The following GRM5 variants were observed in gnomAD, a reference collection of about 807,000 sequenced individuals.
GRM5 encodes glutamate metabotropic receptor 5.
GRM5 carries 19 observed loss-of-function variants against 83.1 expected under a neutral mutation model. The ratio of observed to expected loss-of-function variants is 0.23; its 90% CI spans 0.16 to 0.34. GRM5 has a LOEUF of 0.34. Among genes scored for constraint, GRM5 ranks in the 10% least tolerant of loss-of-function variants. The probability of loss-of-function intolerance (pLI) is 1.00; values close to 1 mark genes in which losing one functional copy is unlikely to be tolerated. For missense variants in GRM5, 1,160 were observed against 1,588.3 expected (o/e 0.73, Z 4.58); for synonymous variants, 675 against 633.6 (o/e 1.07, Z -0.98).
intron 2 of GRM5, among the ~76,000 whole-genome samples, chr11:88,930,174 G>A (rs4545558): frequency 2.4e-3 from 363 of 152,088 alleles, no homozygotes; most frequent in African/African-American, 8.1e-3. Flanking sequence ...CTTGGGAGGC[G>A]GAAGAGAAAG....
chr11:88,902,601 T>C (rs1424202626), intron 2 of GRM5, among the ~76,000 whole-genome samples: 1 of 152,154 alleles, frequency 6.6e-6, no homozygotes, highest in Admixed American at 6.6e-5. Context: ...CTGGTTTTTC[T>C]AGAGCTTACA....
chr11:88,677,338 T>C (rs1171833050), intron 3 of GRM5, among the ~76,000 whole-genome samples: 2 of 152,090 alleles, frequency 1.3e-5, no homozygotes, highest in East Asian at 3.9e-4. Context: ...TCAACCAGAG[T>C]AATTCTTCTC....
At chr11:88,772,023 C>T (rs1410996163) in intron 3 of GRM5, among the ~76,000 whole-genome samples, 8 of 107,442 alleles carry the variant, frequency 7.4e-5, no homozygotes, top group South Asian at 2.5e-4. Flanking sequence ...CATGTATCAA[C>T]GCTTATCAAT....
At chr11:88,778,338 C>T (rs891970924) in intron 3 of GRM5, among the ~76,000 whole-genome samples, 2 of 152,200 alleles carry the variant, frequency 1.3e-5, no homozygotes, top group Non-Finnish European at 2.9e-5. Context: ...AGGAGTGTCC[C>T]GTTTTTCCAC....
intron 2 of GRM5, among the ~76,000 whole-genome samples, chr11:89,031,559 A>G (rs1941263762): frequency 6.6e-6 from 1 of 151,988 alleles, no homozygotes; most frequent in Admixed American, 6.6e-5. Context: ...ATAACAAGAG[A>G]AAATGTGCTC....
chr11:89,006,493 C>T (rs1398027253), intron 2 of GRM5, among the ~76,000 whole-genome samples: 1 of 152,134 alleles, frequency 6.6e-6, no homozygotes, highest in Non-Finnish European at 1.5e-5. Context: ...AAATGCACAC[C>T]AGATCAAGTC....
chr11:88,687,194 G>T (rs1179406866), intron 3 of GRM5, among the ~76,000 whole-genome samples: 6 of 151,748 alleles, frequency 4.0e-5, no homozygotes, highest in African/African-American at 1.5e-4. Context: ...ATATATTCTG[G>T]CCAGGAGCAG....
intron 3 of GRM5, among the ~76,000 whole-genome samples, chr11:88,794,179 G>A (rs144919807): frequency 2.6e-5 from 4 of 152,120 alleles, no homozygotes; most frequent in African/African-American, 7.2e-5. Flanking sequence ...AAGCATTCCC[G>A]TCCCCACTAT....
At chr11:88,838,310 C>A (rs1944131476) in intron 3 of GRM5, among the ~76,000 whole-genome samples, 1 of 152,156 alleles carries the variant, frequency 6.6e-6, no homozygotes, top group Non-Finnish European at 1.5e-5. Flanking sequence ...TATCTTCCTA[C>A]TATCCCTTCT....
chr11:88,778,002 G>A (rs529173157), intron 3 of GRM5, among the ~76,000 whole-genome samples: 3 of 151,068 alleles, frequency 2.0e-5, no homozygotes, highest in Admixed American at 6.6e-5. Flanking sequence ...GTCAGACAGG[G>A]ACGTTTAAGT....
chr11:88,769,294 A>G (rs1456553083), intron 3 of GRM5, among the ~76,000 whole-genome samples: 5 of 152,034 alleles, frequency 3.3e-5, no homozygotes, highest in African/African-American at 1.2e-4. Flanking sequence ...TCAACTTAAT[A>G]TAGATATAGA....
At chr11:88,848,261 A>C (rs1944331182) in intron 3 of GRM5, among the ~76,000 whole-genome samples, 1 of 152,148 alleles carries the variant, frequency 6.6e-6, no homozygotes, top group African/African-American at 2.4e-5. Context: ...AAGGAATCTC[A>C]CTCAATATCA....
intron 3 of GRM5, among the ~76,000 whole-genome samples, chr11:88,791,702 A>G (rs1943175914): frequency 6.6e-6 from 1 of 152,186 alleles, no homozygotes. Flanking sequence ...TAAATAAAGG[A>G]CATTTAAATT....
chr11:88,708,475 T>A (rs1941209957), intron 3 of GRM5, among the ~76,000 whole-genome samples: 1 of 152,036 alleles, frequency 6.6e-6, no homozygotes. Context: ...GACTTTGAGG[T>A]ATGAGTATTG....
Position 89,047,266 on chromosome 11 carries a change from C to T in GRM5, c.607G>A (p.Val203Met). 6.2e-7 allele frequency: 1 copy of T among 1,614,110 alleles called. No individual in the cohort carries two copies. The highest frequency in any genetic ancestry group is 8.5e-7 in the Non-Finnish European group (1 of 1,179,978). The change falls in exon 2 of 10, where the codon GTG becomes ATG. Residue 203 changes from valine (V) to methionine (M), a missense_variant. Val to Met is a conservative substitution (Grantham distance 21, BLOSUM62 1). Around this residue, in one of 9 missense-constraint regions of GRM5, gnomAD observed 84 missense variants for 231.0 expected, o/e 0.36. Transcript: ENST00000305447. The surrounding 1 kb of genome is among the most constrained non-coding windows in gnomAD (Gnocchi z 5.1). ...CAGTTGTACCTCTTCACTATGTCCA[C>T]CATGGCCCTTGCCTGCTGAGCATCT... ...PSDAQQARAMVDIVKRYNWTY... is the reference protein window; with the variant it reads ...PSDAQQARAMMDIVKRYNWTY...
intron 2 of GRM5, among the ~76,000 whole-genome samples, chr11:88,943,500 G>A (rs3913995): frequency 1.3e-5 from 2 of 151,962 alleles, no homozygotes; most frequent in Non-Finnish European, 2.9e-5. Context: ...GCATATTGCT[G>A]CTACTCACTC....
chr11:88,947,516 T>C (rs1274408505), intron 2 of GRM5, among the ~76,000 whole-genome samples: 4 of 151,710 alleles, frequency 2.6e-5, no homozygotes. Context: ...TTTTTACCAT[T>C]GCGTCCTTGC....
intron 2 of GRM5, among the ~76,000 whole-genome samples, chr11:89,030,248 G>A (rs1941230035): frequency 6.6e-6 from 1 of 152,046 alleles, no homozygotes; most frequent in Admixed American, 6.6e-5. Context: ...CAATAAAAGT[G>A]TCTTCAGAAT....
chr11:89,009,922 A>AAC, intron 2 of GRM5, among the ~76,000 whole-genome samples: 1 of 138,028 alleles, frequency 7.2e-6, no homozygotes, highest in African/African-American at 2.7e-5. Flanking sequence ...AAAAAAAAAA[A>AAC]AAAAAAAACA....
Sources: allele counts gnomAD v4.1 joint callset (sites outside exome capture counted in the v4.1 genomes callset), GRCh38; gene constraint gnomAD v4.1.1; regional missense constraint gnomAD v4.1.1; non-coding constraint Gnocchi (gnomAD v3.1); transcripts MANE v1.5; gene names NCBI Gene and HGNC (gene_info 2026-07-23, HGNC 2026-07-21).